Variants in UBE2R2 observed in about 807,000 individuals in gnomAD.
The protein encoded by UBE2R2 is ubiquitin-conjugating enzyme E2 R2.
A neutral mutation model predicts 27.8 loss-of-function variants in UBE2R2; 1 was observed. That is an observed-to-expected ratio of 0.04 (90% CI 0.01 to 0.17). The LOEUF is 0.17. Among genes scored for constraint, UBE2R2 ranks in the 10% least tolerant of loss-of-function variants. The probability of loss-of-function intolerance (pLI) is 1.00; values close to 1 mark genes in which losing one functional copy is unlikely to be tolerated. For synonymous variants in UBE2R2, 106 were observed against 113.3 expected (o/e 0.94, Z 0.41); for missense variants, 100 against 291.0 (o/e 0.34, Z 4.78).
chr9:33,908,620 G>C (rs1361589634), intron 3 of UBE2R2, among the ~76,000 whole-genome samples: 1 of 152,104 alleles, frequency 6.6e-6, no homozygotes, highest in South Asian at 2.1e-4. Context: ...GGAGGACATG[G>C]AATTAGAATT....
At chr9:33,910,503 T>G (rs1362331709) in intron 3 of UBE2R2, among the ~76,000 whole-genome samples, 1 of 152,198 alleles carries the variant, frequency 6.6e-6, no homozygotes, top group Admixed American at 6.5e-5. Context: ...TGTCTAATTT[T>G]TATCTGTGGA....
intron 1 of UBE2R2, among the ~76,000 whole-genome samples, chr9:33,868,377 C>T (rs1357280948): frequency 6.6e-6 from 1 of 152,096 alleles, no homozygotes; most frequent in Non-Finnish European, 1.5e-5. Flanking sequence ...GCCTTTCTGT[C>T]AGTTTGACCT....
At chr9:33,862,419 T>C (rs1302670197) in intron 1 of UBE2R2, among the ~76,000 whole-genome samples, 1 of 152,210 alleles carries the variant, frequency 6.6e-6, no homozygotes, top group Non-Finnish European at 1.5e-5. Context: ...TAGACAGAAC[T>C]GCCAAAGATA....
In UBE2R2 at chr9:33,919,786, G is replaced by A. The variant is rs1009732679; in HGVS notation, c.*2549G>A. ...CTCAATCCGGAACCATGTACGTACA[G>A]TTTTGCTTATTATTTGATGTGACAT... is the stretch of plus-strand genomic sequence containing the variant. On this transcript the variant is annotated 3_prime_UTR_variant, in exon 5 of 5. Coordinates refer to ENST00000263228, the MANE Select transcript of UBE2R2 (RefSeq NM_017811.4). The A allele has an allele frequency of 7.2e-5, 11 of 152,052 alleles. No homozygotes were observed. Among genetic ancestry groups the A allele is most frequent in the Admixed American group, 3.3e-4 (5 of 15,268 alleles). The allele number at this position is 152,052 out of a possible 1,614,324, so 9.4% of individuals were successfully genotyped here. A position where few individuals can be genotyped will look rare whatever the true frequency, so the allele number is the denominator to read the frequency against.
Position 33,866,022 on chromosome 9 carries a change from G to T in UBE2R2, c.178-20859G>T, listed in dbSNP as rs189367396. Among the ~76,000 whole-genome samples the T allele has an allele frequency of 3.9e-4, 59 of 151,500 alleles. No individual in the cohort carries two copies. In the East Asian group the frequency reaches 9.7e-3, roughly 25 times the overall value. ...AATTTTTGAATTTTTAGTACAGATG[G>T]GGCTTCACCATGTTGGCCAGGCTAG... On this transcript the variant is annotated intron_variant, in intron 1 of 4. Coordinates refer to ENST00000263228, the MANE Select transcript of UBE2R2 (RefSeq NM_017811.4).
chr9:33,882,488 T>C (rs1821750895), intron 1 of UBE2R2, among the ~76,000 whole-genome samples: 1 of 152,262 alleles, frequency 6.6e-6, no homozygotes, highest in East Asian at 1.9e-4. Context: ...TTTCACCATC[T>C]TGGCCAGGCT....
chr9:33,917,159 C>T lies in UBE2R2; in HGVS notation c.639C>T (p.Asp213=), dbSNP rs148897042. ...SDLLYDDLYD[D]DIDDEDEEEE... Reference sequence around the variant, plus strand: ...TGCTTTACGACGACTTGTATGATGACGACATTGATGATGAAGATGAGGAGG... The same window carrying T: ...TGCTTTACGACGACTTGTATGATGATGACATTGATGATGAAGATGAGGAGG... The change falls in exon 5 of 5, where the codon GAC becomes GAT. Residue 213 remains aspartate, a synonymous_variant. Coordinates refer to ENST00000263228, the MANE Select transcript of UBE2R2 (RefSeq NM_017811.4). The T allele has an allele frequency of 1.5e-5, 24 of 1,613,964 alleles. No homozygotes were observed. Among genetic ancestry groups the T allele is most frequent in the East Asian group, 8.9e-5 (4 of 44,892 alleles).
Position 33,843,964 on chromosome 9 carries a change from G to GT in UBE2R2, c.177+26031dup, listed in dbSNP as rs138749531. On this transcript the variant is annotated intron_variant, in intron 1 of 4. Transcript: ENST00000263228. The stretch of plus-strand genomic sequence containing the variant: ...ATTAAGAGGTATTATCAACCTTGCA[G>GT]TAAAAAAGCTGATTTCCAAGGCCAT... Among the ~76,000 whole-genome samples the GT allele has an allele frequency of 5.6e-3, 850 of 152,178 alleles. 11 individuals are homozygous for GT. Among genetic ancestry groups the GT allele is most frequent in the African/African-American group, 0.019 (779 of 41,508 alleles).
chr9:33,826,012 A>T (rs1409717872), intron 1 of UBE2R2, among the ~76,000 whole-genome samples: 1 of 152,044 alleles, frequency 6.6e-6, no homozygotes, highest in Admixed American at 6.6e-5. Flanking sequence ...GTGTGGTGGC[A>T]TGCGCCTGTA....
chr9:33,828,686 C>G (rs377765144), intron 1 of UBE2R2, among the ~76,000 whole-genome samples: 1 of 151,988 alleles, frequency 6.6e-6, no homozygotes, highest in South Asian at 2.1e-4. Context: ...CTCAGCCTCC[C>G]GAGTAGCTGG....
chr9:33,906,340 T>G (rs1025372673), intron 3 of UBE2R2, among the ~76,000 whole-genome samples: 1 of 152,212 alleles, frequency 6.6e-6, no homozygotes, highest in Admixed American at 6.5e-5. Flanking sequence ...CGGGCTGATC[T>G]TGAACTCCCA....
intron 1 of UBE2R2, among the ~76,000 whole-genome samples, chr9:33,858,645 C>T (rs1042075915): frequency 1.3e-5 from 2 of 151,862 alleles, no homozygotes; most frequent in East Asian, 1.9e-4. Flanking sequence ...AGCTCAAGCA[C>T]TCCACCCACC....
chr9:33,859,797 T>TGAGAGAGA (rs1250357067), intron 1 of UBE2R2, among the ~76,000 whole-genome samples: 33 of 78,404 alleles, frequency 4.2e-4, no homozygotes, highest in Middle Eastern at 5.0e-3. Flanking sequence ...TGTGTGTGTG[T>TGAGAGAGA]GTGAGAGAGA....
intron 3 of UBE2R2, among the ~76,000 whole-genome samples, chr9:33,910,308 C>G (rs948838704): frequency 6.6e-5 from 10 of 152,058 alleles, no homozygotes; most frequent in Admixed American, 2.6e-4. Flanking sequence ...GCTACCACAC[C>G]TGGCTAATTT....
intron 1 of UBE2R2, among the ~76,000 whole-genome samples, chr9:33,884,236 T>TCTCTCTCTCTCTCTCTCTCTCTC (rs1587467991): frequency 9.2e-5 from 1 of 10,896 alleles, no homozygotes; most frequent in Non-Finnish European, 2.2e-4. Context: ...CTCTCTCTCT[T>TCTCTCTCTCTCTCTCTCTCTCTC]CCCCCTCTCT....
chr9:33,816,600 T>C (rs1198076146), upstream of UBE2R2, among the ~76,000 whole-genome samples: 7 of 152,226 alleles, frequency 4.6e-5, no homozygotes, highest in Admixed American at 1.3e-4. Flanking sequence ...GTGAGTAACG[T>C]GCCAAAGGGC....
intron 2 of UBE2R2, among the ~76,000 whole-genome samples, chr9:33,889,494 G>A (rs183380623): frequency 4.5e-4 from 69 of 152,046 alleles, no homozygotes; most frequent in Non-Finnish European, 8.4e-4. Flanking sequence ...GTGAGCCACC[G>A]CACCCGGCCC....
rs981423485 is a variant in UBE2R2, at chr9:33,919,945, C to A, written c.*2708C>A. The A allele has an allele frequency of 6.6e-6, 1 of 152,138 alleles. No homozygotes were observed. Among genetic ancestry groups the A allele is most frequent in the African/African-American group, 2.4e-5 (1 of 41,422 alleles). 9.4% of individuals were successfully genotyped at this position (152,138 alleles called of 1,614,324 possible). On this transcript the variant is annotated 3_prime_UTR_variant, in exon 5 of 5. Transcript: ENST00000263228. ...GCTGTTGATTCTTTCAGTCTTCCCC[C>A]CTTCTCCTTTTATCAATCATTCCAG...
At chr9:33,891,928 A>G (rs1821996139) in intron 2 of UBE2R2, among the ~76,000 whole-genome samples, 1 of 151,952 alleles carries the variant, frequency 6.6e-6, no homozygotes, top group Non-Finnish European at 1.5e-5. Flanking sequence ...AGCTACTTGG[A>G]AGGCTGAGGT....
Sources: allele counts gnomAD v4.1 joint callset (sites outside exome capture counted in the v4.1 genomes callset), GRCh38; gene constraint gnomAD v4.1.1; transcripts MANE v1.5; gene names NCBI Gene and HGNC (gene_info 2026-07-23, HGNC 2026-07-21).